ZNF831: variants seen among roughly 807,000 people sequenced by gnomAD.
The protein encoded by ZNF831 is chromosome 20 open reading frame 174.
Under a neutral mutation model 95.8 loss-of-function variants are expected in ZNF831, and 59 were observed. The ratio of observed to expected loss-of-function variants is 0.62; its 90% CI spans 0.50 to 0.77. The LOEUF (loss-of-function observed/expected upper bound fraction) is 0.77. Among genes scored for constraint, ZNF831 ranks in the 30% least tolerant of loss-of-function variants. The probability of loss-of-function intolerance (pLI) is 0.00; values close to 1 mark genes in which losing one functional copy is unlikely to be tolerated. For missense variants in ZNF831, 2,205 were observed against 2,164.0 expected (o/e 1.02, Z -0.38); for synonymous variants, 961 against 925.5 (o/e 1.04, Z -0.70).
At chr20:59,199,461 A>T (rs1024314095) in intron 3 of ZNF831, among the ~76,000 whole-genome samples, 4 of 152,166 alleles carry the variant, frequency 2.6e-5, no homozygotes, top group African/African-American at 9.7e-5. Context: ...AAGTACACAT[A>T]AAAGTATCAT....
In ZNF831 at chr20:59,194,316, C is replaced by A. The variant is rs2146597300; in HGVS notation, c.3297C>A (p.Pro1099=). 4.3e-6 allele frequency: 7 copies of A among 1,613,828 alleles called. 1 individual carries two copies. In the South Asian group the frequency reaches 7.7e-5, roughly 18 times the overall value. Residue 1099 remains proline, a synonymous_variant, in exon 2 of 6, where the codon CCC becomes CCA. Transcript: ENST00000371030. ...GGGATGTCCTGAATCCCTGGGTACC[C>A]AACTGGGAGCTGGGGGAGCCTCCTG... is the stretch of plus-strand genomic sequence containing the variant. ...LSGDVLNPWV[P]NWELGEPPGN...
At chr20:59,207,166 G>A (rs1984954501) in intron 4 of ZNF831, 110 bp downstream of exon 4, 1 of 1,359,748 alleles carries the variant, frequency 7.4e-7, no homozygotes, top group Non-Finnish European at 1.0e-6. Context: ...GTGCCACAGG[G>A]GTCAGGCCCA....
At chr20:59,134,594 C>T (rs190458100) in intron 1 of ZNF831, among the ~76,000 whole-genome samples, 17 of 152,314 alleles carry the variant, frequency 1.1e-4, no homozygotes, top group Admixed American at 2.0e-4. Context: ...AGAAACCCAG[C>T]GGTCCCACCA....
At chr20:59,185,609 C>T (rs573400120) in intron 1 of ZNF831, among the ~76,000 whole-genome samples, 1 of 152,220 alleles carries the variant, frequency 6.6e-6, no homozygotes, top group East Asian at 1.9e-4. Context: ...TTTCTGGGTG[C>T]TCTGAAATTC....
At chr20:59,207,782 C>T (rs940675602) in intron 4 of ZNF831, among the ~76,000 whole-genome samples, 1 of 152,176 alleles carries the variant, frequency 6.6e-6, no homozygotes, top group African/African-American at 2.4e-5. Context: ...CTGCAGGGTC[C>T]CATCTGGCCA....
chr20:59,184,021 A>T (rs1446786267), intron 1 of ZNF831, among the ~76,000 whole-genome samples: 1 of 151,410 alleles, frequency 6.6e-6, no homozygotes, highest in Non-Finnish European at 1.5e-5. Context: ...CACTCCACCC[A>T]CCTCTTCATC....
At position 59,253,952 on chromosome 20, in the gene ZNF831, G is replaced by A. The variant is rs1988040846; in HGVS notation, c.4243G>A (p.Ala1415Thr). Residue 1415 changes from alanine to threonine, a missense_variant, in exon 6 of 6, where the codon GCC becomes ACC. Ala to Thr is a moderately conservative substitution (Grantham distance 58). Transcript: ENST00000371030. ...TGACTGTACTACTCACAGCACTGCT[G>A]CCACATCAGGATTATCTCTGCAATC... ...HGDCTTHSTA[A>T]TSGLSLQSDT... 13 of 1,605,516 alleles carry A rather than the reference G, an allele frequency of 8.1e-6. No homozygotes were observed. The East Asian group carries it at 2.9e-4, about 36-fold the overall frequency.
At chr20:59,139,973 T>C (rs1568722773) in intron 1 of ZNF831, among the ~76,000 whole-genome samples, 1 of 152,214 alleles carries the variant, frequency 6.6e-6, no homozygotes, top group African/African-American at 2.4e-5. Context: ...TTTTTATGTA[T>C]GCACAATAGT....
chr20:59,202,183 CCCCTACTTTTATTGGTCTG>C (rs1226639344), intron 3 of ZNF831, among the ~76,000 whole-genome samples: 1 of 152,116 alleles, frequency 6.6e-6, no homozygotes, highest in African/African-American at 2.4e-5. Flanking sequence ...TAGTTGATCT[CCCCTACTTTTATTGGTCTG>C]CTAAAGTTTA....
chr20:59,204,595 T>C (rs1984751953), intron 3 of ZNF831, among the ~76,000 whole-genome samples: 1 of 152,226 alleles, frequency 6.6e-6, no homozygotes, highest in Non-Finnish European at 1.5e-5. Flanking sequence ...TCTCATAGTT[T>C]CGCCCCAGAA....
At chr20:59,154,854 G>A (rs1568728889) in intron 2 of ZNF831, among the ~76,000 whole-genome samples, 2 of 152,092 alleles carry the variant, frequency 1.3e-5, no homozygotes, top group East Asian at 1.9e-4. Flanking sequence ...CTTCATAGAC[G>A]GCCTCCTACC....
At chr20:59,161,174 G>T (rs1195220111), upstream of ZNF831, among the ~76,000 whole-genome samples, 2 of 152,114 alleles carry the variant, frequency 1.3e-5, no homozygotes, top group African/African-American at 4.8e-5. Flanking sequence ...GTGGCTTCTA[G>T]TATATTCACA....
At chr20:59,209,771 TTCCTGC>T (rs1985162508) in intron 4 of ZNF831, among the ~76,000 whole-genome samples, 1 of 71,470 alleles carries the variant, frequency 1.4e-5, no homozygotes, top group Non-Finnish European at 2.4e-5. Context: ...CTCCAGCTAT[TTCCTGC>T]TATTTCCTTG....
intron 1 of ZNF831, chr20:59,146,082 A>G (rs1425577601): frequency 1.3e-5 from 2 of 152,176 alleles, no homozygotes; most frequent in African/African-American, 4.8e-5. Context: ...CAGGCAAACC[A>G]TATCACCAGC....
At chr20:59,182,490 T>C (rs1431173006) in intron 1 of ZNF831, among the ~76,000 whole-genome samples, 3 of 152,108 alleles carry the variant, frequency 2.0e-5, no homozygotes, top group Non-Finnish European at 2.9e-5. Context: ...CCAGGCTTTT[T>C]TCTTCTTCCA....
chr20:59,140,849 C>T (rs949412000), intron 1 of ZNF831, among the ~76,000 whole-genome samples: 2 of 152,142 alleles, frequency 1.3e-5, no homozygotes, highest in East Asian at 1.9e-4. Context: ...GATATTGGCC[C>T]TTTGTCAGAT....
At chr20:59,149,266 T>C (rs904414478) in intron 2 of ZNF831, among the ~76,000 whole-genome samples, 7 of 152,086 alleles carry the variant, frequency 4.6e-5, no homozygotes, top group Non-Finnish European at 7.4e-5. Context: ...TGTGTGGAGG[T>C]CTGATAAGCC....
At chr20:59,179,910 C>A (rs1347741405) in intron 1 of ZNF831, among the ~76,000 whole-genome samples, 1 of 152,130 alleles carries the variant, frequency 6.6e-6, no homozygotes, top group Non-Finnish European at 1.5e-5. Flanking sequence ...GCTGCCCTCA[C>A]CTATCAGGCA....
At chr20:59,248,904 C>T (rs1169591375) in intron 4 of ZNF831, among the ~76,000 whole-genome samples, 1 of 152,086 alleles carries the variant, frequency 6.6e-6, no homozygotes, top group Non-Finnish European at 1.5e-5. Context: ...AACTGTTTTT[C>T]CCACCTCTCC....
Sources: allele counts gnomAD v4.1 joint callset (sites outside exome capture counted in the v4.1 genomes callset), GRCh38; gene constraint gnomAD v4.1.1; transcripts MANE v1.5; gene names NCBI Gene and HGNC (gene_info 2026-07-23, HGNC 2026-07-21).